VAV3: variants seen among roughly 807,000 people sequenced by gnomAD.
VAV3 encodes vav guanine nucleotide exchange factor 3.
In VAV3, 94 loss-of-function variants were observed where a neutral mutation model predicts 131.2. The ratio of observed to expected loss-of-function variants is 0.72; its 90% CI spans 0.61 to 0.85. VAV3 has a LOEUF of 0.85. Among genes scored for constraint, VAV3 ranks in the 40% least tolerant of loss-of-function variants. The pLI, the probability that VAV3 is intolerant of heterozygous loss-of-function variation, is 0.00. For missense variants in VAV3, 939 were observed against 1,002.7 expected (o/e 0.94, Z 0.86); for synonymous variants, 349 against 342.0 (o/e 1.02, Z -0.22).
intron 2 of VAV3, among the ~76,000 whole-genome samples, chr1:107,863,055 T>G (rs1249818811): frequency 6.6e-6 from 1 of 152,300 alleles, no homozygotes; most frequent in Non-Finnish European, 1.5e-5. Context: ...TCTACTCGGT[T>G]GTAAAATATA....
At chr1:107,619,771 G>A (rs377197893) in intron 20 of VAV3, among the ~76,000 whole-genome samples, 4 of 152,234 alleles carry the variant, frequency 2.6e-5, no homozygotes, top group African/African-American at 9.6e-5. Context: ...CTCTTCTTCA[G>A]AACAACAACA....
intron 1 of VAV3, among the ~76,000 whole-genome samples, chr1:107,885,409 A>G (rs993262096): frequency 2.0e-5 from 3 of 151,962 alleles, no homozygotes; most frequent in Non-Finnish European, 4.4e-5. Flanking sequence ...ACCACAACTT[A>G]TTTTAAAAGT....
chr1:107,695,343 C>T (rs191698917), intron 17 of VAV3, among the ~76,000 whole-genome samples: 200 of 152,158 alleles, frequency 1.3e-3, no homozygotes, highest in Non-Finnish European at 2.1e-3. Context: ...AATTAGGAAA[C>T]TTTTGAGTTG....
At chr1:107,693,378 C>CT (rs1212865814) in intron 17 of VAV3, among the ~76,000 whole-genome samples, 4 of 152,134 alleles carry the variant, frequency 2.6e-5, no homozygotes, top group African/African-American at 4.8e-5. Context: ...CTTAACACAT[C>CT]TTTTTTTCAT....
intron 15 of VAV3, among the ~76,000 whole-genome samples, chr1:107,708,967 C>T (rs986275799): frequency 3.3e-5 from 5 of 151,938 alleles, no homozygotes; most frequent in Non-Finnish European, 7.4e-5. Flanking sequence ...CCCACACACC[C>T]TATCCTATTG....
intron 2 of VAV3, among the ~76,000 whole-genome samples, chr1:107,863,597 T>C (rs564428043): frequency 6.6e-6 from 1 of 152,342 alleles, no homozygotes; most frequent in Admixed American, 6.5e-5. Context: ...GTGAGGACTA[T>C]CAGCGAAATC....
intron 4 of VAV3, 24 bp from the exon 5 acceptor site, chr1:107,772,867 G>C: frequency 6.3e-7 from 1 of 1,592,996 alleles, no homozygotes. Flanking sequence ...TATCATATAA[G>C]GTCATTTTCT....
At chr1:107,712,252 G>C (rs1254008220) in intron 15 of VAV3, among the ~76,000 whole-genome samples, 1 of 152,170 alleles carries the variant, frequency 6.6e-6, no homozygotes, top group African/African-American at 2.4e-5. Flanking sequence ...AATTAGTGTA[G>C]AGCAAGCTTG....
intron 11 of VAV3, 98 bp from the exon 12 acceptor site, chr1:107,755,611 A>G (rs1203291573): frequency 1.2e-6 from 1 of 817,264 alleles, no homozygotes; most frequent in Non-Finnish European, 1.9e-6. Flanking sequence ...ATTAGTGGTA[A>G]AAGTAACCAC....
At chr1:107,934,826 TAAGAG>T (rs1465691351) in intron 1 of VAV3, among the ~76,000 whole-genome samples, 2 of 152,244 alleles carry the variant, frequency 1.3e-5, no homozygotes, top group African/African-American at 4.8e-5. Flanking sequence ...GTGTTGTTAT[TAAGAG>T]AAAAGCACAT....
chr1:107,716,141 T>C (rs900539862), intron 15 of VAV3, among the ~76,000 whole-genome samples: 6 of 152,258 alleles, frequency 3.9e-5, no homozygotes, highest in African/African-American at 1.4e-4. Flanking sequence ...AAACTCTATG[T>C]GCAGAAGCTC....
chr1:107,717,543 C>T (rs189270947), intron 15 of VAV3, among the ~76,000 whole-genome samples: 95 of 152,214 alleles, frequency 6.2e-4, no homozygotes, highest in South Asian at 2.9e-3. Context: ...TGTAGTTGTG[C>T]GGTTTTGAGT....
At chr1:107,871,392 C>A (rs1351441115) in intron 2 of VAV3, among the ~76,000 whole-genome samples, 3 of 150,102 alleles carry the variant, frequency 2.0e-5, no homozygotes. Flanking sequence ...CTTTCAGGAG[C>A]TTTTTTCAGT....
In VAV3 at chr1:107,786,425, G is replaced by A. The variant is rs527886737; in HGVS notation, c.322-6933C>T. 3.9e-5 allele frequency among the ~76,000 whole-genome samples: 6 copies of A among 152,318 alleles called. No homozygotes were observed. The East Asian group carries it at 1.2e-3, about 29-fold the overall frequency. On this transcript the variant is annotated intron_variant, in intron 2 of 26. Transcript: ENST00000370056. ...TCTTACTAGCAAGGTAAGGACGGGA[G>A]TCAAGATGATCAAGGCTCTGTGCCT...
chr1:107,779,068 A>G (rs540436260), intron 3 of VAV3, among the ~76,000 whole-genome samples: 1 of 152,282 alleles, frequency 6.6e-6, no homozygotes, highest in East Asian at 1.9e-4. Flanking sequence ...GATCTACTCT[A>G]TAGGAAATAA....
chr1:107,923,304 C>T (rs1367249765), intron 1 of VAV3, among the ~76,000 whole-genome samples: 3 of 152,080 alleles, frequency 2.0e-5, no homozygotes, highest in Non-Finnish European at 4.4e-5. Context: ...ACAGAATTTG[C>T]TATGGTTTGA....
intron 2 of VAV3, among the ~76,000 whole-genome samples, chr1:107,797,141 T>C (rs1666587579): frequency 6.6e-6 from 1 of 152,078 alleles, no homozygotes; most frequent in African/African-American, 2.4e-5. Flanking sequence ...ACCTGTGAGG[T>C]AGGAATTATG....
chr1:107,595,506 G>A (rs897343088), intron 25 of VAV3, among the ~76,000 whole-genome samples: 1 of 152,054 alleles, frequency 6.6e-6, no homozygotes, highest in Non-Finnish European at 1.5e-5. Flanking sequence ...AAAATAAAGT[G>A]ATATCAGATT....
chr1:107,597,636 T>A (rs763305025), intron 24 of VAV3, among the ~76,000 whole-genome samples: 1 of 152,100 alleles, frequency 6.6e-6, no homozygotes, highest in Non-Finnish European at 1.5e-5. Flanking sequence ...CAGGGAAAGA[T>A]CATTTTAGGT....
Sources: allele counts gnomAD v4.1 joint callset (sites outside exome capture counted in the v4.1 genomes callset), GRCh38; gene constraint gnomAD v4.1.1; transcripts MANE v1.5; gene names NCBI Gene and HGNC (gene_info 2026-07-23, HGNC 2026-07-21).